DHX57: variants seen among roughly 807,000 people sequenced by gnomAD.
DHX57 encodes the protein putative ATP-dependent RNA helicase DHX57.
DHX57 carries 105 observed loss-of-function variants against 156.2 expected under a neutral mutation model. The observed-to-expected ratio is 0.67, with a 90% confidence interval of 0.57 to 0.79. The LOEUF (loss-of-function observed/expected upper bound fraction) is 0.79. DHX57 is among the 30% of genes least tolerant of loss of function. The probability of loss-of-function intolerance (pLI) is 0.00; values close to 1 mark genes in which losing one functional copy is unlikely to be tolerated. For synonymous variants in DHX57, 704 were observed against 595.6 expected (o/e 1.18, Z -2.65); for missense variants, 1,847 against 1,661.9 (o/e 1.11, Z -1.94).
rs577254826 is a variant in DHX57 at position 38,867,016 on chromosome 2, G to A, written c.224+1166C>T. 2.0e-5 allele frequency: 3 copies of A among 152,254 alleles called. No homozygotes were observed. The East Asian group carries it at 5.8e-4, about 29-fold the overall frequency. 9.4% of individuals were successfully genotyped at this position (152,254 alleles called of 1,614,324 possible). ...GTCCTGCAACTTCCATTCACGGTAAGTGCCCTACATAGGTATCATTTTTAA... is the reference window on the plus strand; with the variant it reads ...GTCCTGCAACTTCCATTCACGGTAAATGCCCTACATAGGTATCATTTTTAA... On this transcript the variant is annotated intron_variant, in intron 2 of 23. Coordinates refer to ENST00000457308, the MANE Select transcript of DHX57 (RefSeq NM_198963.3).
At chr2:38,872,164 G>T (rs1665388158) in intron 1 of DHX57, among the ~76,000 whole-genome samples, 2 of 152,050 alleles carry the variant, frequency 1.3e-5, no homozygotes, top group Admixed American at 6.6e-5. Context: ...GAACTTTGGG[G>T]GTAAACATTC....
intron 1 of DHX57, among the ~76,000 whole-genome samples, chr2:38,874,282 G>C (rs1042358478): frequency 2.6e-5 from 4 of 151,812 alleles, no homozygotes; most frequent in Non-Finnish European, 5.9e-5. Context: ...GTAGAAATGA[G>C]GTTTCGCTTT....
At chr2:38,850,062 A>G (rs549931650) in intron 9 of DHX57, among the ~76,000 whole-genome samples, 2 of 152,314 alleles carry the variant, frequency 1.3e-5, no homozygotes, top group African/African-American at 4.8e-5. Flanking sequence ...ATCTACAACA[A>G]TGCCTGGGAC....
Position 38,800,016 on chromosome 2 carries a change from C to T in DHX57, c.4018-1574G>A, listed in dbSNP as rs62144841. ...CAGGCTGACCAACATGGAGAAACCC[C>T]GTCTCTACTAAAAATACAAAATTAG... On this transcript the variant is annotated intron_variant, in intron 23 of 23. Coordinates refer to ENST00000457308, the MANE Select transcript of DHX57 (RefSeq NM_198963.3). 7.2e-5 allele frequency among the ~76,000 whole-genome samples: 11 copies of T among 151,850 alleles called. No individual in the cohort carries two copies. The East Asian group carries it at 1.4e-3, about 19-fold the overall frequency.
In DHX57 at chr2:38,823,195, G is replaced by C. The variant is rs373553409; in HGVS notation, c.3089C>G (p.Thr1030Ser). 3.7e-5 allele frequency: 59 copies of C among 1,614,028 alleles called. No individual in the cohort carries two copies. Among genetic ancestry groups the C allele is most frequent in the Non-Finnish European group, 3.3e-5 (39 of 1,180,030 alleles). The change falls in exon 17 of 24, where the codon ACC becomes AGC. Residue 1030 changes from threonine to serine, a missense_variant. Thr to Ser is a moderately conservative substitution (Grantham distance 58). Coordinates refer to ENST00000457308, the MANE Select transcript of DHX57 (RefSeq NM_198963.3). Reference protein sequence around the residue: ...VFSRLIEPPHTDSLRASKIRL... With the variant: ...VFSRLIEPPHSDSLRASKIRL... ...TATTTTTGAGGCACGAAGAGAATCGGTGTGTGGAGGTTCAATGAGCCGAGA... is the reference window on the plus strand; with the variant it reads ...TATTTTTGAGGCACGAAGAGAATCGCTGTGTGGAGGTTCAATGAGCCGAGA...
intron 4 of DHX57, 147 bp from the exon 5 acceptor site, chr2:38,861,984 GC>G: frequency 8.2e-7 from 1 of 1,219,306 alleles, no homozygotes; most frequent in Non-Finnish European, 1.1e-6. Context: ...ATAACAATAA[GC>G]CCCCCTGAAT....
chr2:38,861,156 C>G lies in DHX57; in HGVS notation c.1254G>C (p.Glu418Asp), dbSNP rs755293139. 5 of 1,614,180 alleles carry G rather than the reference C, an allele frequency of 3.1e-6. No homozygotes were observed. The highest frequency in any genetic ancestry group is 3.4e-6 in the Non-Finnish European group (4 of 1,180,022). ...TCGTTAGTAACTTGACTATTTCCGA[C>G]TCTTCCTCTAAAAGGGTTATCAAAG... is the stretch of plus-strand genomic sequence containing the variant. ...VYSLITLLEE[E>D]SEIVKLLTNT... is the part of the protein sequence containing the mutation. Residue 418 changes from glutamate (E) to aspartate (D), a missense_variant, in exon 5 of 24, where the codon GAG becomes GAC. Transcript: ENST00000457308.
chr2:38,824,962 A>T (rs1671017629), intron 16 of DHX57, among the ~76,000 whole-genome samples: 1 of 152,104 alleles, frequency 6.6e-6, no homozygotes, highest in Non-Finnish European at 1.5e-5. Flanking sequence ...AGCTGCAGTC[A>T]TTGTTTATAA....
intron 21 of DHX57, 91 bp downstream of exon 21, chr2:38,813,730 T>C: frequency 2.8e-6 from 4 of 1,438,758 alleles, no homozygotes; most frequent in Non-Finnish European, 1.9e-6. Context: ...TATATATCTC[T>C]TTAAGATGAT....
rs751150042 is a variant in DHX57, at chr2:38,858,846, A to C, written c.1412-10T>G. 1.2e-6 allele frequency: 2 copies of C among 1,606,012 alleles called. No individual in the cohort carries two copies. The highest frequency in any genetic ancestry group is 1.7e-6 in the Non-Finnish European group (2 of 1,178,176). On this transcript the variant is annotated splice_polypyrimidine_tract_variant and intron_variant, in intron 5 of 23. Coordinates refer to ENST00000457308, the MANE Select transcript of DHX57 (RefSeq NM_198963.3). ...TCTGATGCTTTTTCAACTTGAAGGA[A>C]ATAAAAGAAAACATTTCAGTATGGA...
rs114286975 is a variant in DHX57, at chr2:38,818,243, G to A, written c.3471+634C>T. Reference sequence around the variant, plus strand: ...GGGATTCAGGTTAAGAATGCCTGGTGTAGCCCGGTGTGGTGTCTCACACCT... The same window carrying A: ...GGGATTCAGGTTAAGAATGCCTGGTATAGCCCGGTGTGGTGTCTCACACCT... On this transcript the variant is annotated intron_variant, in intron 19 of 23. Transcript: ENST00000457308. Among the ~76,000 whole-genome samples, 1,259 of 152,188 alleles carry A rather than the reference G, an allele frequency of 8.3e-3. 8 individuals are homozygous for A. Among genetic ancestry groups the A allele is most frequent in the Non-Finnish European group, 0.013 (877 of 67,974 alleles).
chr2:38,842,666 C>T (rs999571994), intron 12 of DHX57, among the ~76,000 whole-genome samples: 3 of 152,072 alleles, frequency 2.0e-5, no homozygotes, highest in Non-Finnish European at 4.4e-5. Context: ...GAGAGTTCAT[C>T]GTTTAGCCTT....
At chr2:38,825,090 G>T (rs1486247908) in intron 16 of DHX57, among the ~76,000 whole-genome samples, 1 of 151,906 alleles carries the variant, frequency 6.6e-6, no homozygotes, top group South Asian at 2.1e-4. Flanking sequence ...ATGAATATCG[G>T]CAACTTAGAG....
At chr2:38,849,854 G>T (rs1672490682) in intron 9 of DHX57, among the ~76,000 whole-genome samples, 1 of 152,172 alleles carries the variant, frequency 6.6e-6, no homozygotes, top group African/African-American at 2.4e-5. Flanking sequence ...TAGTTTTTCA[G>T]TGAGGACTTC....
intron 23 of DHX57, among the ~76,000 whole-genome samples, chr2:38,800,234 G>C (rs1572607897): frequency 6.7e-6 from 1 of 150,310 alleles, no homozygotes; most frequent in African/African-American, 2.4e-5. Context: ...TACGCCTGCA[G>C]TCCCAGCTAC....
At chr2:38,863,340 G>C in intron 3 of DHX57, 21 bp downstream of exon 3, 2 of 1,598,946 alleles carry the variant, frequency 1.3e-6, no homozygotes, top group Non-Finnish European at 1.7e-6. Flanking sequence ...TATAATAATT[G>C]ACTCAAATAA....
In DHX57 at chr2:38,844,846, T is replaced by C. The variant is rs79760593; in HGVS notation, c.2220-1636A>G. On this transcript the variant is annotated intron_variant, in intron 11 of 23. Coordinates refer to ENST00000457308, the MANE Select transcript of DHX57 (RefSeq NM_198963.3). Reference sequence around the variant, plus strand: ...GTAGTCTGAGAGTGCTAAGGTTTTATAGGTAGGAAACTAAAGAAGGAAGGG... The same window carrying C: ...GTAGTCTGAGAGTGCTAAGGTTTTACAGGTAGGAAACTAAAGAAGGAAGGG... Among the ~76,000 whole-genome samples, 585 of 152,178 alleles carry C rather than the reference T, an allele frequency of 3.8e-3. 9 individuals carry two copies. The highest frequency in any genetic ancestry group is 0.01 in the East Asian group (53 of 5,188).
At chr2:38,820,394 T>C (rs1304506925) in intron 17 of DHX57, among the ~76,000 whole-genome samples, 3 of 151,650 alleles carry the variant, frequency 2.0e-5, no homozygotes, top group African/African-American at 4.8e-5. Flanking sequence ...GGGTCCAGAG[T>C]GCTCACCATT....
chr2:38,823,299 A>G, intron 16 of DHX57, 30 bp from the exon 17 acceptor site: 1 of 1,592,592 alleles, frequency 6.3e-7, no homozygotes, highest in Non-Finnish European at 8.6e-7. Context: ...ATAATTTGTC[A>G]ATTTTATTTC....
Sources: allele counts gnomAD v4.1 joint callset (sites outside exome capture counted in the v4.1 genomes callset), GRCh38; gene constraint gnomAD v4.1.1; transcripts MANE v1.5; gene names NCBI Gene and HGNC (gene_info 2026-07-23, HGNC 2026-07-21).